The following NTRK3 variants were observed in gnomAD, a reference collection of about 807,000 sequenced individuals.
The protein encoded by NTRK3 is NT-3 growth factor receptor.
NTRK3 carries 24 observed loss-of-function variants against 91.7 expected under a neutral mutation model. That is an observed-to-expected ratio of 0.26 (90% CI 0.19 to 0.37). The LOEUF (loss-of-function observed/expected upper bound fraction) is 0.37, where lower values mean the gene tolerates loss of function less well. Ranked by LOEUF, NTRK3 falls within the 10% of genes least tolerant of loss-of-function variation. The pLI is 1.00. For missense variants in NTRK3, 880 were observed against 1,068.9 expected, an observed-to-expected ratio of 0.82 and a Z score of 2.46; for synonymous variants, 483 against 404.0, an observed-to-expected ratio of 1.20 and a Z score of -2.34.
chr15:88,114,173 G>T (rs888685861), intron 13 of NTRK3, among the ~76,000 whole-genome samples: 2 of 152,136 alleles, frequency 1.3e-5, no homozygotes, highest in African/African-American at 4.8e-5. Context: ...CTGGGTGGGG[G>T]AATGAGTCAG....
intron 13 of NTRK3, among the ~76,000 whole-genome samples, chr15:88,101,126 G>T (rs1240348876): frequency 1.3e-5 from 2 of 152,210 alleles, no homozygotes; most frequent in Admixed American, 1.3e-4. Flanking sequence ...ATCTGACAAA[G>T]GGCTAATATC....
chr15:87,933,153 T>C (rs2141957191), exon 16 of NTRK3: 3 of 1,614,160 alleles, frequency 1.9e-6, no homozygotes, highest in Non-Finnish European at 2.5e-6. Context: ...CTGGAAATCC[T>C]TCCGGGCAGC....
chr15:88,032,863 C>T (rs2078680270), exon 14 of NTRK3: 1 of 1,613,688 alleles, frequency 6.2e-7, no homozygotes, highest in African/African-American at 1.3e-5. Flanking sequence ...TTACACGTGT[C>T]CGGCTTGTGG....
intron 14 of NTRK3, among the ~76,000 whole-genome samples, chr15:87,990,711 C>G (rs1477198716): frequency 1.3e-5 from 2 of 152,158 alleles, no homozygotes; most frequent in Non-Finnish European, 2.9e-5. Flanking sequence ...TCTTCAACAT[C>G]TTCTGCCTTT....
chr15:88,126,223 G>T, intron 13 of NTRK3, 48 bp downstream of exon 13: 1 of 1,333,728 alleles, frequency 7.5e-7, no homozygotes, highest in Non-Finnish European at 1.1e-6. Flanking sequence ...ATCAAAAGCA[G>T]TAATGTTTCC....
chr15:87,928,302 A>T (rs968462435), intron 17 of NTRK3: 4 of 152,060 alleles, frequency 2.6e-5, no homozygotes, highest in African/African-American at 9.7e-5. Flanking sequence ...ATTTTTTAGC[A>T]ATCTGCCCTC....
chr15:88,128,833 G>A (rs1240459114), intron 10 of NTRK3, 99 bp from the exon 11 acceptor site: 2 of 1,079,774 alleles, frequency 1.9e-6, no homozygotes, highest in East Asian at 2.4e-5. Context: ...CATTCACCAT[G>A]ATTCCCTGTT....
At position 88,235,291 on chromosome 15, in the gene NTRK3, TA is replaced by T. The variant is rs1322892453; in HGVS notation, c.248+20614del. ...AATGAGTAAGGCCTGTGTCGCTGTC[TA>T]CCCTACCCACAATAGCCTCCAGGCT... On this transcript the variant is annotated intron_variant, in intron 3 of 18. Coordinates refer to ENST00000394480, the Ensembl canonical transcript of NTRK3. This position sits in a 1 kb window ranked among gnomAD's most constrained non-coding sequence, Gnocchi z 5.2. Among the ~76,000 whole-genome samples, 3 of 152,212 alleles carry T rather than the reference TA, an allele frequency of 2.0e-5. No individual in the cohort carries two copies. The highest frequency in any genetic ancestry group is 6.5e-5 in the Admixed American group (1 of 15,288).
In NTRK3 at chr15:88,226,600, C is replaced by T. The variant is rs1446907617; in HGVS notation, c.248+29306G>A. Among the ~76,000 whole-genome samples, 11 of 152,248 alleles carry T rather than the reference C, an allele frequency of 7.2e-5. No individual in the cohort carries two copies. In the South Asian group the frequency reaches 2.1e-3, roughly 29 times the overall value. On this transcript the variant is annotated intron_variant, in intron 3 of 18. Transcript: ENST00000394480. ...CCTCCTCCTTGTCCTCAGGCCCCCA[C>T]TGCCCTCCATCCTGACATACCAGGG... is the stretch of plus-strand genomic sequence containing the variant.
intron 13 of NTRK3, among the ~76,000 whole-genome samples, chr15:88,082,762 T>C (rs1008771860): frequency 7.2e-5 from 11 of 152,208 alleles, no homozygotes; most frequent in African/African-American, 2.4e-4. Context: ...GACCTACAGG[T>C]CCCACTAAGC....
intron 14 of NTRK3, among the ~76,000 whole-genome samples, chr15:87,956,337 C>T (rs954858099): frequency 3.9e-5 from 6 of 152,208 alleles, no homozygotes; most frequent in Admixed American, 1.3e-4. Context: ...TGCAATGGCA[C>T]AATCTCGGCT....
chr15:87,908,083 A>G (rs2066875351), intron 17 of NTRK3, among the ~76,000 whole-genome samples: 1 of 152,096 alleles, frequency 6.6e-6, no homozygotes, highest in African/African-American at 2.4e-5. Flanking sequence ...TAAGCACCCA[A>G]AGTGTACTCA....
At chr15:88,209,823 G>A (rs1306891234) in intron 3 of NTRK3, 1 of 152,308 alleles carries the variant, frequency 6.6e-6, no homozygotes, top group African/African-American at 2.4e-5. Flanking sequence ...CCAGCCAGTT[G>A]GCAAAGGGTC....
chr15:87,879,960 T>C (rs1033739558), intron 18 of NTRK3, among the ~76,000 whole-genome samples: 18 of 152,296 alleles, frequency 1.2e-4, no homozygotes, highest in Middle Eastern at 3.4e-3. Flanking sequence ...GAAAAACTCA[T>C]AGCTGTTCTG....
chr15:88,138,808 T>A (rs2042116035), intron 6 of NTRK3, among the ~76,000 whole-genome samples: 1 of 152,230 alleles, frequency 6.6e-6, no homozygotes, highest in Non-Finnish European at 1.5e-5. Context: ...TTTATCTGTC[T>A]CCCTGAATAA....
At chr15:88,106,560 G>C (rs1475144205) in intron 13 of NTRK3, among the ~76,000 whole-genome samples, 1 of 152,216 alleles carries the variant, frequency 6.6e-6, no homozygotes, top group East Asian at 1.9e-4. Context: ...GCTTAAGAAA[G>C]AGTGTTGTGT....
At chr15:88,253,318 G>A (rs1270150659) in intron 3 of NTRK3, 3 of 152,240 alleles carry the variant, frequency 2.0e-5, no homozygotes, top group Non-Finnish European at 4.4e-5. Context: ...AGCTGCGGGT[G>A]CTTCTCTCTG....
chr15:88,245,547 GA>G (rs1402658007), intron 3 of NTRK3, among the ~76,000 whole-genome samples: 1 of 152,154 alleles, frequency 6.6e-6, no homozygotes, highest in African/African-American at 2.4e-5. Flanking sequence ...AAATACCCTG[GA>G]TTAGAAGATT....
At chr15:87,862,330 A>T in exon 19 of NTRK3, 1 of 224,576 alleles carries the variant, frequency 4.5e-6, no homozygotes, top group East Asian at 6.4e-5. Flanking sequence ...TTTCCACCTC[A>T]TTTATTCCTA....
Sources: gnomAD v4.1 joint callset for allele counts (sites outside exome capture counted in the v4.1 genomes callset) on GRCh38, gnomAD v4.1.1 for gene constraint, Gnocchi (gnomAD v3.1) non-coding constraint, MANE v1.5 for transcripts, NCBI Gene and HGNC (gene_info 2026-07-23, HGNC 2026-07-21) for gene names.